The following EXT1 variants were observed in gnomAD, a reference collection of about 807,000 sequenced individuals.
EXT1 encodes the protein exostosin-1.
Under a neutral mutation model 82.5 loss-of-function variants are expected in EXT1, and 20 were observed. That is an observed-to-expected ratio of 0.24 (90% CI 0.17 to 0.35). EXT1 has a LOEUF of 0.35. EXT1 is among the 10% of genes least tolerant of loss of function. The pLI, the probability that EXT1 is intolerant of heterozygous loss-of-function variation, is 1.00. For missense variants in EXT1, 757 were observed against 936.5 expected (o/e 0.81, Z 2.50); for synonymous variants, 348 against 350.8 (o/e 0.99, Z 0.09).
At chr8:117,826,777 T>C (rs1448039686) in intron 4 of EXT1, among the ~76,000 whole-genome samples, 2 of 152,124 alleles carry the variant, frequency 1.3e-5, no homozygotes, top group Non-Finnish European at 2.9e-5. Flanking sequence ...TGGTTTTTAG[T>C]GTTTAAAAAA....
intron 1 of EXT1, among the ~76,000 whole-genome samples, chr8:117,906,325 T>G: frequency 6.6e-6 from 1 of 152,186 alleles, no homozygotes; most frequent in African/African-American, 2.4e-5. Context: ...CCCAACTAGT[T>G]TCATGTAAGG....
At chr8:118,097,411 C>T (rs1017287475) in intron 1 of EXT1, among the ~76,000 whole-genome samples, 42 of 152,070 alleles carry the variant, frequency 2.8e-4, no homozygotes, top group African/African-American at 9.7e-4. Flanking sequence ...CGCCCCACTG[C>T]ACTCCAGCCT....
chr8:117,882,841 A>G (rs927268855), intron 1 of EXT1, among the ~76,000 whole-genome samples: 1 of 151,556 alleles, frequency 6.6e-6, no homozygotes, highest in Non-Finnish European at 1.5e-5. Flanking sequence ...GCCAGGCATG[A>G]TGGTGGGGGC....
rs766691923 is a variant in EXT1 at position 117,804,911 on chromosome 8, G to A, written c.1884-18C>T. ...GATAATATCTGTAAAAATCAAAGAT[G>A]GGTTTCACAGGGGGCCATTATCACA... On this transcript the variant is annotated intron_variant, in intron 9 of 10. Coordinates refer to ENST00000378204, the MANE Select transcript of EXT1 (RefSeq NM_000127.3). The A allele has an allele frequency of 1.2e-6, 2 of 1,613,452 alleles. No homozygotes were observed. The highest frequency in any genetic ancestry group is 1.7e-6 in the Non-Finnish European group (2 of 1,179,520).
intron 9 of EXT1, 29 bp downstream of exon 9, chr8:117,807,188 T>A: frequency 6.2e-7 from 1 of 1,613,862 alleles, no homozygotes; most frequent in Non-Finnish European, 8.5e-7. Context: ...CTATGTAAAG[T>A]CTGTAAGAGA....
chr8:117,844,094 C>G (rs17430301), intron 1 of EXT1, among the ~76,000 whole-genome samples: 13,655 of 151,588 alleles, frequency 0.09, 789 homozygotes, highest in African/African-American at 0.17. Context: ...GCCTTAGACC[C>G]TTCCTTGGCC....
At chr8:117,827,497 C>T (rs188833370) in intron 4 of EXT1, among the ~76,000 whole-genome samples, 3 of 152,040 alleles carry the variant, frequency 2.0e-5, no homozygotes, top group East Asian at 3.9e-4. Flanking sequence ...TACATAAAAA[C>T]GTCATGAGAA....
At chr8:117,893,889 C>T (rs1324375873) in intron 1 of EXT1, among the ~76,000 whole-genome samples, 1 of 152,118 alleles carries the variant, frequency 6.6e-6, no homozygotes, top group Non-Finnish European at 1.5e-5. Flanking sequence ...AGAAAGAATC[C>T]CCACGCTGGT....
chr8:117,962,346 T>G (rs957455056), intron 1 of EXT1, among the ~76,000 whole-genome samples: 1 of 152,070 alleles, frequency 6.6e-6, no homozygotes, highest in Non-Finnish European at 1.5e-5. Flanking sequence ...GCCTCACACC[T>G]GTAATCCTAG....
intron 1 of EXT1, among the ~76,000 whole-genome samples, chr8:117,988,046 C>T (rs929917563): frequency 2.6e-5 from 4 of 152,140 alleles, no homozygotes; most frequent in African/African-American, 7.2e-5. Context: ...CGTAATGGTG[C>T]CATTGCACTC....
Position 117,964,125 on chromosome 8 carries a change from C to G in EXT1, c.963-126924G>C, listed in dbSNP as rs1406848425. ...GCTTTGTATCATTTGTTTACTTATA[C>G]ACTTTACCTATTTCCCCTCCATCCT... On this transcript the variant is annotated intron_variant, in intron 1 of 10. Transcript: ENST00000378204. Among the ~76,000 whole-genome samples, 16 of 152,302 alleles carry G rather than the reference C, an allele frequency of 1.1e-4. No homozygotes were observed. The East Asian group carries it at 1.5e-3, about 15-fold the overall frequency.
intron 1 of EXT1, among the ~76,000 whole-genome samples, chr8:117,995,145 T>C (rs1022799756): frequency 1.3e-5 from 2 of 152,204 alleles, no homozygotes; most frequent in African/African-American, 4.8e-5. Flanking sequence ...TAAAAATAGA[T>C]GGAGCTTTTA....
At position 118,063,081 on chromosome 8, in the gene EXT1, AT is replaced by A. The variant is rs11344597; in HGVS notation, c.962+47003del. Among the ~76,000 whole-genome samples the A allele has an allele frequency of 2.5e-3, 379 of 149,354 alleles. 2 individuals carry two copies. Among genetic ancestry groups the A allele is most frequent in the African/African-American group, 7.5e-3 (307 of 40,932 alleles). Reference sequence around the variant, plus strand: ...TTTGACAGATGATGGTTTCTGGAGAATTTTTTTTTTTAACTTGAGTTACTTT... The same window carrying A: ...TTTGACAGATGATGGTTTCTGGAGAATTTTTTTTTTAACTTGAGTTACTTT... On this transcript the variant is annotated intron_variant, in intron 1 of 10. Transcript: ENST00000378204.
intron 1 of EXT1, among the ~76,000 whole-genome samples, chr8:117,981,841 G>A (rs17431131): frequency 0.38 from 57,917 of 151,668 alleles, 11,397 homozygotes; most frequent in Admixed American, 0.46. Flanking sequence ...TCACACCACA[G>A]CACTTCAGCC....
intron 1 of EXT1, among the ~76,000 whole-genome samples, chr8:118,056,105 G>T (rs1809134679): frequency 6.6e-6 from 1 of 151,614 alleles, no homozygotes; most frequent in South Asian, 2.1e-4. Flanking sequence ...ATATCATAAT[G>T]TTTTTTAAAA....
At chr8:118,009,969 T>TGGCTAA (rs1391349450) in intron 1 of EXT1, among the ~76,000 whole-genome samples, 2 of 152,130 alleles carry the variant, frequency 1.3e-5, no homozygotes, top group African/African-American at 4.8e-5. Flanking sequence ...TTCTAAGAAG[T>TGGCTAA]GGCTAAGAGC....
chr8:117,817,702 T>A (rs1413569638), intron 7 of EXT1, among the ~76,000 whole-genome samples: 1 of 152,092 alleles, frequency 6.6e-6, no homozygotes, highest in Non-Finnish European at 1.5e-5. Flanking sequence ...ACAGCGCAAT[T>A]CAGCTAATTA....
intron 1 of EXT1, among the ~76,000 whole-genome samples, chr8:118,104,498 T>C (rs1160998617): frequency 2.0e-5 from 3 of 152,058 alleles, no homozygotes; most frequent in Non-Finnish European, 1.5e-5. Flanking sequence ...TCTTCCAGAG[T>C]ATGAAGGAAG....
At chr8:117,956,164 T>C (rs1814581431) in intron 1 of EXT1, among the ~76,000 whole-genome samples, 1 of 135,686 alleles carries the variant, frequency 7.4e-6, no homozygotes, top group South Asian at 2.5e-4. Context: ...AACTACGGAT[T>C]TTTTTTTAAC....
Sources: gnomAD v4.1 joint callset for allele counts (sites outside exome capture counted in the v4.1 genomes callset) on GRCh38, gnomAD v4.1.1 for gene constraint, MANE v1.5 for transcripts, NCBI Gene and HGNC (gene_info 2026-07-23, HGNC 2026-07-21) for gene names.